CPAP: variants seen among roughly 807,000 people sequenced by gnomAD.
CPAP encodes the protein centrosome assembly and centriole elongation protein.
the CPAP span, among the ~76,000 whole-genome samples, chr13:24,928,209 A>T: frequency 2.6e-5 from 4 of 152,054 alleles, no homozygotes; most frequent in African/African-American, 9.7e-5. Flanking sequence ...GTGTCTGAGT[A>T]CTCCTTTCAT....
At chr13:24,904,163 G>T in the CPAP span, 4 of 1,302,234 alleles carry the variant, frequency 3.1e-6, no homozygotes, top group African/African-American at 4.4e-5. Context: ...AAACATCTGT[G>T]CTATTAAAAT....
chr13:24,910,494 G>C, the CPAP span, among the ~76,000 whole-genome samples: 1 of 152,178 alleles, frequency 6.6e-6, no homozygotes, highest in Non-Finnish European at 1.5e-5. Context: ...CAAAGTACTG[G>C]GATTACAGGT....
the CPAP span, among the ~76,000 whole-genome samples, chr13:24,915,452 G>C: frequency 2.0e-5 from 3 of 152,196 alleles, no homozygotes; most frequent in African/African-American, 7.2e-5. Flanking sequence ...TCAGCATAAA[G>C]ATGGTATTTA....
the CPAP span, among the ~76,000 whole-genome samples, chr13:24,897,647 GATAC>G: frequency 6.6e-6 from 1 of 152,024 alleles, no homozygotes; most frequent in Non-Finnish European, 1.5e-5. Flanking sequence ...GTTCTGTTAA[GATAC>G]ATAATGATTT....
chr13:24,908,061 G>T, the CPAP span: 1 of 1,612,958 alleles, frequency 6.2e-7, no homozygotes, highest in South Asian at 1.1e-5. Flanking sequence ...TCATGTTTTT[G>T]TAAGTTCTTA....
At chr13:24,903,391 T>C in the CPAP span, among the ~76,000 whole-genome samples, 3 of 151,872 alleles carry the variant, frequency 2.0e-5, no homozygotes, top group African/African-American at 4.8e-5. Flanking sequence ...CAGAGGAGAA[T>C]GCCATGTGAA....
At chr13:24,900,478 G>A in the CPAP span, among the ~76,000 whole-genome samples, 3 of 152,108 alleles carry the variant, frequency 2.0e-5, no homozygotes, top group Admixed American at 6.5e-5. Flanking sequence ...GAGAAATCCC[G>A]TCTTTACTGA....
the CPAP span, among the ~76,000 whole-genome samples, chr13:24,894,515 G>C: frequency 6.6e-6 from 1 of 152,242 alleles, no homozygotes; most frequent in Non-Finnish European, 1.5e-5. Flanking sequence ...ATGACCGGAG[G>C]CCGCGCTGCA....
At chr13:24,898,759 T>C in the CPAP span, among the ~76,000 whole-genome samples, 1 of 152,204 alleles carries the variant, frequency 6.6e-6, no homozygotes, top group Non-Finnish European at 1.5e-5. Context: ...AAAATGCTAG[T>C]AATTAAAATA....
chr13:24,902,218 C>G, the CPAP span, among the ~76,000 whole-genome samples: 1 of 133,186 alleles, frequency 7.5e-6, no homozygotes, highest in Non-Finnish European at 1.6e-5. Context: ...CAAAGCAAAA[C>G]CGAAATAGGG....
chr13:24,893,619 G>A, the CPAP span, among the ~76,000 whole-genome samples: 1 of 152,206 alleles, frequency 6.6e-6, no homozygotes, highest in Non-Finnish European at 1.5e-5. Flanking sequence ...GTTCACATCC[G>A]AGTTTTCTGA....
chr13:24,889,537 G>A, the CPAP span: 6 of 673,766 alleles, frequency 8.9e-6, no homozygotes, highest in Non-Finnish European at 1.5e-5. Flanking sequence ...TATACAACAG[G>A]CCAAAGCAAA....
the CPAP span, among the ~76,000 whole-genome samples, chr13:24,931,637 C>T: frequency 1.3e-5 from 2 of 152,180 alleles, no homozygotes; most frequent in Admixed American, 1.3e-4. Context: ...AATCTCAGAT[C>T]TGTATCTCCA....
the CPAP span, chr13:24,892,713 C>T: frequency 1.9e-6 from 3 of 1,614,146 alleles, no homozygotes; most frequent in East Asian, 6.7e-5. Flanking sequence ...GGCATCCAGT[C>T]GGAATCTTTC....
the CPAP span, among the ~76,000 whole-genome samples, chr13:24,896,966 AATTTGTAACTAT>A: frequency 6.6e-6 from 1 of 152,268 alleles, no homozygotes; most frequent in South Asian, 2.1e-4. Context: ...AGCCATACTA[AATTTGTAACTAT>A]AACTCAGATT....
At chr13:24,926,319 A>G in the CPAP span, among the ~76,000 whole-genome samples, 1 of 152,192 alleles carries the variant, frequency 6.6e-6, no homozygotes, top group Non-Finnish European at 1.5e-5. Flanking sequence ...ACAGCTGCTT[A>G]AAGCTAGCAG....
chr13:24,909,903 T>A, the CPAP span: 6 of 1,613,988 alleles, frequency 3.7e-6, no homozygotes, highest in Non-Finnish European at 5.1e-6. Context: ...TAAGACAAAA[T>A]CTCCATGAGC....
chr13:24,928,523 C>T, the CPAP span, among the ~76,000 whole-genome samples: 10 of 152,180 alleles, frequency 6.6e-5, no homozygotes, highest in Admixed American at 2.0e-4. Flanking sequence ...CTCCACCTCC[C>T]GAGTTCAAGT....
chr13:24,912,918 A>G, the CPAP span: 2 of 1,614,222 alleles, frequency 1.2e-6, no homozygotes, highest in Non-Finnish European at 1.7e-6. Flanking sequence ...CTTCCAAAAT[A>G]GGAAATCCAC....
Sources: gnomAD v4.1 joint callset for allele counts (sites outside exome capture counted in the v4.1 genomes callset) on GRCh38, gnomAD v4.1.1 for gene constraint, MANE v1.5 for transcripts, NCBI Gene and HGNC (gene_info 2026-07-23, HGNC 2026-07-21) for gene names.